The following TSTD2 variants were observed in gnomAD, a reference collection of about 807,000 sequenced individuals.
The protein encoded by TSTD2 is thiosulfate sulfurtransferase like domain containing 2.
A neutral mutation model predicts 47.9 loss-of-function variants in TSTD2; 37 were observed. The observed-to-expected ratio is 0.77, with a 90% CI of 0.59 to 1.02. The LOEUF is 1.02. Ranked by LOEUF, TSTD2 falls within the 50% of genes least tolerant of loss-of-function variation. TSTD2 has a pLI of 0.00. For missense variants in TSTD2, 586 were observed against 616.0 expected (o/e 0.95, Z 0.52); for synonymous variants, 201 against 215.9 (o/e 0.93, Z 0.61).
In TSTD2 at chr9:97,602,311, C is replaced by T. The variant is rs937211713; in HGVS notation, c.*158G>A. On this transcript the variant is annotated 3_prime_UTR_variant, in exon 10 of 10. Transcript: ENST00000341170. ...AGGTAAGTGGTAGACAACGTGACTC[C>T]TCCCCTCCCGCTGTGAAGTGTAGAC... 2 of 824,072 alleles carry T rather than the reference C, an allele frequency of 2.4e-6. No homozygotes were observed. The highest frequency in any genetic ancestry group is 3.7e-6 in the Non-Finnish European group (2 of 544,814). The allele number at this position is 824,072 out of a possible 1,614,324, so 51.0% of individuals were successfully genotyped here.
At chr9:97,604,910 C>T (rs1379919002) in intron 8 of TSTD2, 45 bp from the exon 9 acceptor site, 1 of 1,607,390 alleles carries the variant, frequency 6.2e-7, no homozygotes, top group Non-Finnish European at 8.5e-7. Flanking sequence ...CCAGCAGAGA[C>T]CTGTTAAGAT....
At chr9:97,627,639 C>A in intron 1 of TSTD2, 27 bp from the exon 2 acceptor site, 1 of 1,342,380 alleles carries the variant, frequency 7.4e-7, no homozygotes, top group South Asian at 1.6e-5. Flanking sequence ...AAAGAAGCAG[C>A]CATGCTATTC....
intron 8 of TSTD2, among the ~76,000 whole-genome samples, chr9:97,605,173 C>T (rs1307823152): frequency 6.6e-6 from 1 of 152,152 alleles, no homozygotes; most frequent in East Asian, 1.9e-4. Context: ...CCTGTTGGGA[C>T]ATGTAATGTT....
At chr9:97,621,724 T>G (rs1246553791) in intron 3 of TSTD2, among the ~76,000 whole-genome samples, 1 of 152,210 alleles carries the variant, frequency 6.6e-6, no homozygotes, top group Non-Finnish European at 1.5e-5. Context: ...ACTGGTTCTG[T>G]GCTCTTGAAC....
At chr9:97,618,561 C>G (rs1460565724) in intron 3 of TSTD2, among the ~76,000 whole-genome samples, 5 of 152,128 alleles carry the variant, frequency 3.3e-5, no homozygotes, top group Non-Finnish European at 7.4e-5. Flanking sequence ...GTTTGGAAAC[C>G]CTGCAGACAG....
At chr9:97,610,959 GCTA>G (rs1826447319) in intron 5 of TSTD2, 2 of 152,496 alleles carry the variant, frequency 1.3e-5, no homozygotes, top group Admixed American at 1.3e-4. Context: ...TCTCAAGTGA[GCTA>G]ATATGTCCAA....
chr9:97,610,581 G>A, intron 5 of TSTD2, 130 bp from the exon 6 acceptor site: 3 of 571,830 alleles, frequency 5.2e-6, no homozygotes, highest in South Asian at 7.2e-5. Flanking sequence ...CCTCTAGTTA[G>A]GGCCCAGAAT....
At chr9:97,619,479 A>C (rs1210830489) in intron 3 of TSTD2, among the ~76,000 whole-genome samples, 1 of 152,178 alleles carries the variant, frequency 6.6e-6, no homozygotes, top group African/African-American at 2.4e-5. Context: ...TAACATAAAG[A>C]ATAGTAAATA....
chr9:97,611,007 T>C (rs7025403), intron 5 of TSTD2: 17,988 of 152,380 alleles, frequency 0.12, 3,021 homozygotes, highest in African/African-American at 0.37. Flanking sequence ...GCTGTAACAT[T>C]CTTATTTTAT....
chr9:97,619,218 A>C (rs1040388476), intron 3 of TSTD2, among the ~76,000 whole-genome samples: 1 of 152,206 alleles, frequency 6.6e-6, no homozygotes, highest in African/African-American at 2.4e-5. Context: ...TGTGACTTCT[A>C]CTTCAACTTG....
intron 5 of TSTD2, among the ~76,000 whole-genome samples, 160 bp downstream of exon 5, chr9:97,611,414 C>A (rs941264979): frequency 6.6e-6 from 1 of 151,538 alleles, no homozygotes; most frequent in Non-Finnish European, 1.5e-5. Context: ...AAGACCCTGT[C>A]AAAAAACAAA....
chr9:97,600,467 A>AT lies in TSTD2; in HGVS notation c.*2001dup, dbSNP rs1826231837. On this transcript the variant is annotated 3_prime_UTR_variant, in exon 10 of 10. Coordinates refer to ENST00000341170, the MANE Select transcript of TSTD2 (RefSeq NM_139246.5). Reference sequence around the variant, plus strand: ...GGAGTTAGAACTTTTTCCTTATTGAATGCCAACCTTATGATGGATGTGAAA... The same window carrying AT: ...GGAGTTAGAACTTTTTCCTTATTGAATTGCCAACCTTATGATGGATGTGAAA... 5.1e-6 allele frequency: 5 copies of AT among 985,528 alleles called. No homozygotes were observed. Among genetic ancestry groups the AT allele is most frequent in the Non-Finnish European group, 6.0e-6 (5 of 830,082 alleles). The allele number at this position is 985,528 out of a possible 1,614,324, so 61.0% of individuals were successfully genotyped here.
intron 2 of TSTD2, chr9:97,627,165 A>G: frequency 1.5e-6 from 1 of 665,556 alleles, no homozygotes; most frequent in Non-Finnish European, 2.0e-6. Context: ...GGGGTGGGGA[A>G]TGAAATCTAA....
At chr9:97,616,095 A>G (rs1026490958) in intron 4 of TSTD2, among the ~76,000 whole-genome samples, 4 of 152,218 alleles carry the variant, frequency 2.6e-5, no homozygotes, top group African/African-American at 7.2e-5. Context: ...TGTCATGAAA[A>G]TTGAAAACTA....
chr9:97,600,091 T>A lies in TSTD2; in HGVS notation c.*2378A>T. 3 of 1,025,122 alleles carry A rather than the reference T, an allele frequency of 2.9e-6. No homozygotes were observed. Among genetic ancestry groups the A allele is most frequent in the Non-Finnish European group, 3.5e-6 (3 of 851,546 alleles). The allele number at this position is 1,025,122 out of a possible 1,614,324, so 63.5% of individuals were successfully genotyped here. ...CACACTCTTCCACATGCTTTTGAAG[T>A]ATTATAAAACACTTTATTACAAATT... On this transcript the variant is annotated 3_prime_UTR_variant, in exon 10 of 10. Transcript: ENST00000341170.
chr9:97,627,217 G>A (rs1415952282), intron 2 of TSTD2, 181 bp downstream of exon 2: 4 of 1,214,832 alleles, frequency 3.3e-6, no homozygotes, highest in African/African-American at 3.1e-5. Context: ...ACTCCACCAT[G>A]GCTATTCCAG....
chr9:97,628,067 A>G (rs1342883866), intron 1 of TSTD2, among the ~76,000 whole-genome samples: 1 of 152,218 alleles, frequency 6.6e-6, no homozygotes, highest in African/African-American at 2.4e-5. Context: ...AATACCAGAA[A>G]AGCAACAGGT....
At chr9:97,604,459 G>A in intron 9 of TSTD2, 2 of 383,868 alleles carry the variant, frequency 5.2e-6, no homozygotes, top group Non-Finnish European at 9.3e-6. Flanking sequence ...TAGACAGGCA[G>A]GCAGGGCAGG....
rs753535910 is a variant in TSTD2, at chr9:97,602,419, AC to A, written c.*49del. 2.4e-5 allele frequency: 37 copies of A among 1,523,814 alleles called. No homozygotes were observed. In the South Asian group the frequency reaches 4.6e-4, roughly 19 times the overall value. 94.4% of individuals were successfully genotyped at this position (1,523,814 alleles called of 1,614,324 possible). The stretch of plus-strand genomic sequence containing the variant: ...CTTGCCATGCTTTCTCTGTATAGTC[AC>A]CCCAAACCTACTTTTACCGAGGGCC... On this transcript the variant is annotated 3_prime_UTR_variant, in exon 10 of 10. Transcript: ENST00000341170.
Sources: gnomAD v4.1 joint callset for allele counts (sites outside exome capture counted in the v4.1 genomes callset) on GRCh38, gnomAD v4.1.1 for gene constraint, MANE v1.5 for transcripts, NCBI Gene and HGNC (gene_info 2026-07-23, HGNC 2026-07-21) for gene names.